KIF3B: variants seen among roughly 807,000 people sequenced by gnomAD.
KIF3B encodes the protein kinesin-like protein KIF3B.
KIF3B carries 38 observed loss-of-function variants against 74.3 expected under a neutral mutation model. That is an observed-to-expected ratio of 0.51 (90% CI 0.39 to 0.67). The LOEUF (loss-of-function observed/expected upper bound fraction) is 0.67. Ranked by LOEUF, KIF3B falls within the 30% of genes least tolerant of loss-of-function variation. The probability of loss-of-function intolerance (pLI) is 0.00; values close to 1 mark genes in which losing one functional copy is unlikely to be tolerated. For missense variants in KIF3B, 649 were observed against 932.0 expected (o/e 0.70, Z 3.95); for synonymous variants, 326 against 342.5 (o/e 0.95, Z 0.53).
At chr20:32,297,043 C>A (rs1056358576) in intron 1 of KIF3B, among the ~76,000 whole-genome samples, 16 of 152,172 alleles carry the variant, frequency 1.1e-4, no homozygotes, top group African/African-American at 3.9e-4. Context: ...CTGCTTCCCC[C>A]GAGAGAAGCC....
At chr20:32,315,086 A>G (rs1319969641) in intron 2 of KIF3B, among the ~76,000 whole-genome samples, 1 of 152,164 alleles carries the variant, frequency 6.6e-6, no homozygotes, top group Non-Finnish European at 1.5e-5. Context: ...GGCCTAGCCC[A>G]GGCCTAGACC....
At chr20:32,292,582 A>AG (rs2047697312) in intron 1 of KIF3B, among the ~76,000 whole-genome samples, 2 of 114,376 alleles carry the variant, frequency 1.7e-5, no homozygotes, top group Non-Finnish European at 3.3e-5. Flanking sequence ...TACTAAAAAT[A>AG]GAAAAAAAAA....
chr20:32,315,861 A>C (rs2047824631), intron 2 of KIF3B, among the ~76,000 whole-genome samples: 1 of 152,022 alleles, frequency 6.6e-6, no homozygotes, highest in African/African-American at 2.4e-5. Flanking sequence ...GTGGACTCGG[A>C]GCTTTGTGAT....
intron 5 of KIF3B, among the ~76,000 whole-genome samples, chr20:32,326,030 C>A (rs2047902455): frequency 6.6e-6 from 1 of 152,082 alleles, no homozygotes; most frequent in South Asian, 2.1e-4. Context: ...GTACCCTATA[C>A]CTCTGTGCTG....
chr20:32,303,937 C>G (rs2047756762), intron 1 of KIF3B, among the ~76,000 whole-genome samples: 4 of 151,550 alleles, frequency 2.6e-5, no homozygotes. Context: ...CATCCTTAAT[C>G]TCTGGAATGA....
intron 5 of KIF3B, among the ~76,000 whole-genome samples, chr20:32,318,598 G>A (rs2047840410): frequency 1.3e-5 from 2 of 152,092 alleles, no homozygotes; most frequent in African/African-American, 4.8e-5. Flanking sequence ...TTAGCATGAC[G>A]CTTTCAAGGA....
chr20:32,284,187 C>T (rs2047657077), intron 1 of KIF3B, among the ~76,000 whole-genome samples: 1 of 152,084 alleles, frequency 6.6e-6, no homozygotes, highest in Non-Finnish European at 1.5e-5. Context: ...AATCTTCCTG[C>T]CTCAGCCTCC....
At chr20:32,319,075 C>G (rs759784054) in intron 5 of KIF3B, among the ~76,000 whole-genome samples, 1 of 151,980 alleles carries the variant, frequency 6.6e-6, no homozygotes, top group Non-Finnish European at 1.5e-5. Flanking sequence ...ATCCTCCCAC[C>G]TCAACCTCTG....
intron 8 of KIF3B, among the ~76,000 whole-genome samples, chr20:32,330,953 A>G (rs559856659): frequency 6.6e-6 from 1 of 152,344 alleles, no homozygotes; most frequent in African/African-American, 2.4e-5. Context: ...TTTTTTATCA[A>G]TCAGGGAAGG....
intron 5 of KIF3B, among the ~76,000 whole-genome samples, chr20:32,325,364 A>G (rs1230314045): frequency 6.6e-6 from 1 of 151,818 alleles, no homozygotes. Flanking sequence ...TAATTTTTAT[A>G]TTTTTAGTAG....
intron 5 of KIF3B, among the ~76,000 whole-genome samples, chr20:32,317,153 C>T (rs575898078): frequency 2.0e-5 from 3 of 152,270 alleles, no homozygotes; most frequent in African/African-American, 7.2e-5. Context: ...AGGAGAATCG[C>T]TTGAACCCGG....
chr20:32,316,086 G>T (rs1295868220), intron 2 of KIF3B, 132 bp from the exon 3 acceptor site: 1 of 661,494 alleles, frequency 1.5e-6, no homozygotes, highest in Admixed American at 2.4e-5. Context: ...GCTGAGCACA[G>T]TGTATTTTTT....
Position 32,296,886 on chromosome 20 carries a change from A to G in KIF3B, c.-65-12827A>G, listed in dbSNP as rs548866461. On this transcript the variant is annotated intron_variant, in intron 1 of 8. Coordinates refer to ENST00000375712, the MANE Select transcript of KIF3B (RefSeq NM_004798.4). ...CTCCCTTTGTGAAACTGGCCATCAT[A>G]GGAACCAGAGACCTAGAATTGGACT... Among the ~76,000 whole-genome samples, 9 of 152,286 alleles carry G rather than the reference A, an allele frequency of 5.9e-5. No individual in the cohort carries two copies. In the South Asian group the frequency reaches 1.7e-3, roughly 28 times the overall value.
At chr20:32,330,441 C>T in intron 8 of KIF3B, 122 bp downstream of exon 8, 1 of 815,916 alleles carries the variant, frequency 1.2e-6, no homozygotes. Context: ...TGCCATATTA[C>T]TCCTATGTTT....
chr20:32,329,448 C>G (rs771781590), intron 7 of KIF3B, among the ~76,000 whole-genome samples: 12 of 151,494 alleles, frequency 7.9e-5, no homozygotes, highest in Non-Finnish European at 1.8e-4. Context: ...CTCCTCGGCT[C>G]AAGTGATCCT....
intron 1 of KIF3B, among the ~76,000 whole-genome samples, chr20:32,282,460 T>C (rs2047647459): frequency 1.3e-5 from 2 of 152,180 alleles, no homozygotes; most frequent in South Asian, 2.1e-4. Context: ...CATCATACTT[T>C]ATAGTCTGTG....
At chr20:32,284,117 T>C (rs959376545) in intron 1 of KIF3B, among the ~76,000 whole-genome samples, 2 of 151,924 alleles carry the variant, frequency 1.3e-5, no homozygotes, top group Admixed American at 1.3e-4. Context: ...TAATTTTTAT[T>C]TTTTGTAGAG....
At chr20:32,294,000 T>A (rs745883589) in intron 1 of KIF3B, among the ~76,000 whole-genome samples, 6 of 152,190 alleles carry the variant, frequency 3.9e-5, no homozygotes, top group African/African-American at 7.2e-5. Context: ...ATCCTTATTC[T>A]TTAAATGAGG....
intron 8 of KIF3B, 36 bp downstream of exon 8, chr20:32,330,355 A>T: frequency 3.2e-6 from 5 of 1,583,376 alleles, no homozygotes; most frequent in Non-Finnish European, 8.6e-7. Flanking sequence ...TAAACAGAAC[A>T]TGTTTGAACA....
Sources: gnomAD v4.1 joint callset for allele counts (sites outside exome capture counted in the v4.1 genomes callset) on GRCh38, gnomAD v4.1.1 for gene constraint, MANE v1.5 for transcripts, NCBI Gene and HGNC (gene_info 2026-07-23, HGNC 2026-07-21) for gene names.